PTPRC: variants seen among roughly 807,000 people sequenced by gnomAD.
PTPRC encodes protein tyrosine phosphatase receptor type C.
A neutral mutation model predicts 155.9 loss-of-function variants in PTPRC; 44 were observed. The ratio of observed to expected loss-of-function variants is 0.28; its 90% CI spans 0.22 to 0.36. PTPRC has a LOEUF of 0.36. Ranked by LOEUF, PTPRC falls within the 10% of genes least tolerant of loss-of-function variation. The pLI is 1.00. For missense variants in PTPRC, 1,401 were observed against 1,564.6 expected (o/e 0.90, Z 1.76); for synonymous variants, 525 against 533.1 (o/e 0.98, Z 0.21).
rs898777002 is a variant in PTPRC at position 198,690,858 on chromosome 1, A to T, written c.74-1489A>T. Among the ~76,000 whole-genome samples, 11 of 152,114 alleles carry T rather than the reference A, an allele frequency of 7.2e-5. No individual in the cohort carries two copies. In the South Asian group the frequency reaches 2.3e-3, roughly 31 times the overall value. ...ATGAGGGATGAAAACATTGCACTTCACTGTAGACTGAATCTAGTTCCCATC... is the reference window on the plus strand; with the variant it reads ...ATGAGGGATGAAAACATTGCACTTCTCTGTAGACTGAATCTAGTTCCCATC... On this transcript the variant is annotated intron_variant, in intron 2 of 32. Coordinates refer to ENST00000442510, the MANE Select transcript of PTPRC (RefSeq NM_002838.5).
At chr1:198,716,347 A>T (rs1043857064) in intron 12 of PTPRC, among the ~76,000 whole-genome samples, 3 of 152,246 alleles carry the variant, frequency 2.0e-5, no homozygotes, top group African/African-American at 7.2e-5. Context: ...CATGCAACTC[A>T]AGACTTACAG....
chr1:198,694,425 C>A, intron 3 of PTPRC: 1 of 1,090,048 alleles, frequency 9.2e-7, no homozygotes, highest in Non-Finnish European at 1.1e-6. Context: ...CAATACTTTG[C>A]ATCCTTCAAT....
rs376956922 is a variant in PTPRC at position 198,748,189 on chromosome 1, T to G, written c.2928T>G (p.Asn976Lys). ...ATAAAAGTAAAAACAGGAATTCTAA[T>G]GTCATCCCATGTATGTAGTTTATTT... Reference protein sequence around the residue: ...EENKSKNRNSNVIPYDYNRVP... With the variant: ...EENKSKNRNSKVIPYDYNRVP... The change falls in exon 27 of 33, where the codon AAT becomes AAG. Residue 976 changes from asparagine (N) to lysine (K), a missense_variant. Coordinates refer to ENST00000442510, the MANE Select transcript of PTPRC (RefSeq NM_002838.5). The G allele has an allele frequency of 6.2e-7, 1 of 1,605,668 alleles. No individual in the cohort carries two copies. Among genetic ancestry groups the G allele is most frequent in the Middle Eastern group, 2.0e-4 (1 of 5,122 alleles).
At chr1:198,704,194 G>A (rs936286759) in intron 7 of PTPRC, among the ~76,000 whole-genome samples, 3 of 152,032 alleles carry the variant, frequency 2.0e-5, no homozygotes, top group Non-Finnish European at 2.9e-5. Context: ...CAGCCATGTT[G>A]CCATACCGCC....
intron 25 of PTPRC, among the ~76,000 whole-genome samples, chr1:198,743,759 C>T (rs1290878182): frequency 6.6e-6 from 1 of 151,768 alleles, no homozygotes; most frequent in East Asian, 1.9e-4. Flanking sequence ...AAGGAAGTAA[C>T]ATACAATGTT....
chr1:198,757,101 A>G lies in PTPRC; in HGVS notation c.*920A>G, dbSNP rs1655717910. On this transcript the variant is annotated 3_prime_UTR_variant, in exon 33 of 33. Coordinates refer to ENST00000442510, the MANE Select transcript of PTPRC (RefSeq NM_002838.5). ...TATGAAATTTAATATAGCTATTTTT[A>G]TGGAATTTTTCATTGATATGAAAAA... The G allele has an allele frequency of 1.3e-5, 2 of 151,918 alleles. No homozygotes were observed. Among genetic ancestry groups the G allele is most frequent in the Non-Finnish European group, 2.9e-5 (2 of 67,838 alleles). 9.4% of individuals were successfully genotyped at this position (151,918 alleles called of 1,614,324 possible).
rs1008417098 is a variant in PTPRC at position 198,757,146 on chromosome 1, A to C, written c.*965A>C. On this transcript the variant is annotated 3_prime_UTR_variant, in exon 33 of 33. Transcript: ENST00000442510. ...GAAAAATATGATATTGCATATGCAT[A>C]GTTCCCATGTTAAATCCCATTCATA... 6.6e-6 allele frequency: 1 copy of C among 151,858 alleles called. No homozygotes were observed. The highest frequency in any genetic ancestry group is 2.4e-5 in the African/African-American group (1 of 41,414). 9.4% of individuals were successfully genotyped at this position (151,858 alleles called of 1,614,324 possible).
At chr1:198,676,522 G>A (rs1664962397) in intron 2 of PTPRC, among the ~76,000 whole-genome samples, 1 of 152,156 alleles carries the variant, frequency 6.6e-6, no homozygotes, top group Admixed American at 6.5e-5. Flanking sequence ...GAGCTGTTTA[G>A]TGAAGTGAGG....
At chr1:198,699,941 G>A (rs1052712559) in intron 5 of PTPRC, 2 of 608,136 alleles carry the variant, frequency 3.3e-6, no homozygotes, top group Admixed American at 2.9e-5. Context: ...GGAGGAAAGA[G>A]TTATTCAGAA....
chr1:198,722,537 T>A, intron 15 of PTPRC, 61 bp downstream of exon 15: 1 of 961,236 alleles, frequency 1.0e-6, no homozygotes, highest in South Asian at 2.9e-5. Flanking sequence ...CTTATAAAGC[T>A]ATATTATTTT....
Position 198,699,672 on chromosome 1 carries a change from T to G in PTPRC, c.407T>G (p.Leu136Arg), listed in dbSNP as rs201362674. ...TFSGSAANAK[L>R]NPTPGSNAIS... ...AGCGGCTCCGCCGCCAATGCAAAAC[T>G]CAACCCTACCCCAGGCAGCAATGCT... The change falls in exon 5 of 33, where the codon CTC becomes CGC. Residue 136 changes from leucine (L) to arginine (R), a missense_variant. Coordinates refer to ENST00000442510, the MANE Select transcript of PTPRC (RefSeq NM_002838.5). 1 of 1,614,182 alleles carries G rather than the reference T, an allele frequency of 6.2e-7. No individual in the cohort carries two copies. Among genetic ancestry groups the G allele is most frequent in the Non-Finnish European group, 8.5e-7 (1 of 1,180,040 alleles).
intron 2 of PTPRC, among the ~76,000 whole-genome samples, chr1:198,671,511 A>G (rs1037491479): frequency 6.6e-6 from 1 of 152,122 alleles, no homozygotes; most frequent in Non-Finnish European, 1.5e-5. Flanking sequence ...CTGTGATGCT[A>G]TCATTTAGGG....
intron 2 of PTPRC, among the ~76,000 whole-genome samples, chr1:198,649,668 A>C (rs911540813): frequency 1.3e-5 from 2 of 151,812 alleles, no homozygotes; most frequent in Non-Finnish European, 2.9e-5. Context: ...TCGTGTGTAA[A>C]ATGGAAATAA....
chr1:198,666,314 A>G (rs1036895259), intron 2 of PTPRC, among the ~76,000 whole-genome samples: 2 of 151,890 alleles, frequency 1.3e-5, no homozygotes, highest in African/African-American at 4.8e-5. Context: ...AAACAATAGA[A>G]TTAGACAACC....
intron 4 of PTPRC, among the ~76,000 whole-genome samples, chr1:198,697,291 G>A (rs1429964890): frequency 6.6e-6 from 1 of 152,030 alleles, no homozygotes; most frequent in Non-Finnish European, 1.5e-5. Flanking sequence ...GTCTTAAATG[G>A]GAGTCTTCCC....
chr1:198,656,232 G>T (rs1663557171), intron 2 of PTPRC, among the ~76,000 whole-genome samples: 1 of 151,942 alleles, frequency 6.6e-6, no homozygotes, highest in Non-Finnish European at 1.5e-5. Flanking sequence ...ACAAAAATTT[G>T]GTCATTATTT....
At chr1:198,744,822 AC>A (rs1655066453) in intron 26 of PTPRC, among the ~76,000 whole-genome samples, 1 of 151,742 alleles carries the variant, frequency 6.6e-6, no homozygotes, top group Non-Finnish European at 1.5e-5. Context: ...TCCATAATCT[AC>A]CAAACTGGTA....
chr1:198,724,718 C>T (rs1654049392), intron 15 of PTPRC, among the ~76,000 whole-genome samples: 1 of 151,082 alleles, frequency 6.6e-6, no homozygotes, highest in Non-Finnish European at 1.5e-5. Flanking sequence ...TTGGTCTGTT[C>T]CCAAGTTTTC....
chr1:198,696,123 G>A (rs1666189104), intron 3 of PTPRC, among the ~76,000 whole-genome samples: 1 of 151,428 alleles, frequency 6.6e-6, no homozygotes, highest in Admixed American at 6.6e-5. Flanking sequence ...TCGTGCCACT[G>A]CACTCCAGCC....
Sources: gnomAD v4.1 joint callset for allele counts (sites outside exome capture counted in the v4.1 genomes callset) on GRCh38, gnomAD v4.1.1 for gene constraint, MANE v1.5 for transcripts, NCBI Gene and HGNC (gene_info 2026-07-23, HGNC 2026-07-21) for gene names.